IL31RA: variants seen among roughly 807,000 people sequenced by gnomAD.
IL31RA encodes the protein interleukin-31 receptor subunit alpha.
In IL31RA, 66 loss-of-function variants were observed where a neutral mutation model predicts 83.7. The ratio of observed to expected loss-of-function variants is 0.79; its 90% CI spans 0.65 to 0.97. IL31RA has a LOEUF of 0.97. Among genes scored for constraint, IL31RA ranks in the 50% least tolerant of loss-of-function variants. The pLI, the probability that IL31RA is intolerant of heterozygous loss-of-function variation, is 0.00. For synonymous variants in IL31RA, 325 were observed against 329.0 expected, an observed-to-expected ratio of 0.99 and a Z score of 0.13; for missense variants, 798 against 919.4, an observed-to-expected ratio of 0.87 and a Z score of 1.71.
chr5:55,867,091 G>T (rs1168342290), intron 2 of IL31RA, among the ~76,000 whole-genome samples: 1 of 81,260 alleles, frequency 1.2e-5, no homozygotes, highest in Non-Finnish European at 3.1e-5. Context: ...GTGTTTGTGT[G>T]TGTGTGTTTG....
chr5:55,874,786 G>A (rs1261602285), intron 4 of IL31RA, among the ~76,000 whole-genome samples: 1 of 152,024 alleles, frequency 6.6e-6, no homozygotes, highest in Non-Finnish European at 1.5e-5. Context: ...GGATTCCTTA[G>A]GATTGTCTGT....
chr5:55,914,973 T>A, intron 14 of IL31RA, 45 bp downstream of exon 14: 1 of 1,414,956 alleles, frequency 7.1e-7, no homozygotes, highest in South Asian at 1.1e-5. Flanking sequence ...CCGTGGGAGG[T>A]AGACGAGGTG....
In IL31RA at chr5:55,877,706, T is replaced by C. The variant is rs139901460; in HGVS notation, c.454+5255T>C. ...GCTCTAAGGTTTTTGCTGATCTTAG[T>C]TGAAGATCCATTGTATGTGATGAGT... On this transcript the variant is annotated intron_variant, in intron 4 of 14. Coordinates refer to ENST00000652347, the MANE Select transcript of IL31RA (RefSeq NM_139017.7). Among the ~76,000 whole-genome samples the C allele has an allele frequency of 5.3e-5, 8 of 152,328 alleles. No homozygotes were observed. The East Asian group carries it at 1.5e-3, about 29-fold the overall frequency.
chr5:55,870,914 A>G (rs998769149), intron 3 of IL31RA, among the ~76,000 whole-genome samples: 1 of 152,242 alleles, frequency 6.6e-6, no homozygotes, highest in African/African-American at 2.4e-5. Flanking sequence ...GGAGGTCTAG[A>G]GGTGTGGAAA....
upstream of IL31RA, chr5:55,851,244 A>G (rs866719536): frequency 1.2e-5 from 5 of 410,742 alleles, no homozygotes; most frequent in South Asian, 1.0e-4. Flanking sequence ...GTTTAAAGAC[A>G]CCTTATTTAA....
chr5:55,905,060 G>A (rs1168985459), intron 8 of IL31RA, among the ~76,000 whole-genome samples: 1 of 151,552 alleles, frequency 6.6e-6, no homozygotes, highest in East Asian at 1.9e-4. Context: ...AATTAGCCAG[G>A]TGTGTTAGCA....
intron 2 of IL31RA, among the ~76,000 whole-genome samples, chr5:55,861,053 A>G (rs1210560584): frequency 6.6e-6 from 1 of 152,040 alleles, no homozygotes; most frequent in Non-Finnish European, 1.5e-5. Flanking sequence ...TAACTTAATT[A>G]CCTCTTCAAG....
chr5:55,861,791 A>T (rs1745704495), intron 2 of IL31RA, among the ~76,000 whole-genome samples: 1 of 152,166 alleles, frequency 6.6e-6, no homozygotes, highest in Non-Finnish European at 1.5e-5. Flanking sequence ...CCTATGTTGT[A>T]CATATACCAG....
chr5:55,867,823 C>T (rs2112359157), intron 2 of IL31RA, among the ~76,000 whole-genome samples: 1 of 152,126 alleles, frequency 6.6e-6, no homozygotes, highest in Admixed American at 6.5e-5. Flanking sequence ...CTGATAAACC[C>T]GTCAGATCTC....
chr5:55,875,579 A>G (rs139161120), intron 4 of IL31RA, among the ~76,000 whole-genome samples: 25 of 152,208 alleles, frequency 1.6e-4, no homozygotes, highest in Non-Finnish European at 3.1e-4. Flanking sequence ...CACTGTAAAC[A>G]TTGGTGTTAA....
chr5:55,893,812 T>TTC (rs1748162639), intron 6 of IL31RA, among the ~76,000 whole-genome samples: 1 of 143,048 alleles, frequency 7.0e-6, no homozygotes, highest in Non-Finnish European at 1.5e-5. Context: ...TGAGATAATT[T>TTC]TTTTTTTTTT....
intron 2 of IL31RA, among the ~76,000 whole-genome samples, chr5:55,860,197 C>T (rs113857426): frequency 0.08 from 12,174 of 151,928 alleles, 848 homozygotes; most frequent in African/African-American, 0.19. Flanking sequence ...GGTAAAACCC[C>T]GTCTCTACTA....
chr5:55,864,340 TAC>T (rs34526562), intron 2 of IL31RA, among the ~76,000 whole-genome samples: 28 of 63,720 alleles, frequency 4.4e-4, no homozygotes, highest in South Asian at 2.9e-3. Flanking sequence ...CACACCACAC[TAC>T]ACACACACAC....
chr5:55,845,273 A>G, the IL31RA span, among the ~76,000 whole-genome samples: 1 of 152,226 alleles, frequency 6.6e-6, no homozygotes, highest in Non-Finnish European at 1.5e-5. Context: ...AGTGTTTGAC[A>G]GCCCTATGAT....
At chr5:55,914,585 T>C (rs1207594003) in intron 13 of IL31RA, among the ~76,000 whole-genome samples, 1 of 152,204 alleles carries the variant, frequency 6.6e-6, no homozygotes, top group Non-Finnish European at 1.5e-5. Context: ...GGTATGGAGA[T>C]GCTGGGATGG....
chr5:55,869,009 C>A, intron 3 of IL31RA, 101 bp downstream of exon 3: 1 of 782,210 alleles, frequency 1.3e-6, no homozygotes, highest in Admixed American at 1.7e-5. Flanking sequence ...AAAGTTTCCT[C>A]AATGACAGCT....
chr5:55,888,209 C>T (rs769983190), intron 5 of IL31RA, among the ~76,000 whole-genome samples: 1 of 152,152 alleles, frequency 6.6e-6, no homozygotes, highest in South Asian at 2.1e-4. Flanking sequence ...TAGTAGGGTT[C>T]CATTGCCTGT....
chr5:55,862,494 T>C (rs556991537), intron 2 of IL31RA, among the ~76,000 whole-genome samples: 2 of 152,332 alleles, frequency 1.3e-5, no homozygotes, highest in South Asian at 4.1e-4. Context: ...CTGCAACCTC[T>C]GCCTCCTGGG....
intron 4 of IL31RA, among the ~76,000 whole-genome samples, chr5:55,882,799 C>T (rs547675314): frequency 6.6e-6 from 1 of 151,964 alleles, no homozygotes; most frequent in South Asian, 2.1e-4. Flanking sequence ...AGCATATGAC[C>T]AATCAATAAG....
Sources: allele counts gnomAD v4.1 joint callset (sites outside exome capture counted in the v4.1 genomes callset), GRCh38; gene constraint gnomAD v4.1.1; transcripts MANE v1.5; gene names NCBI Gene and HGNC (gene_info 2026-07-23, HGNC 2026-07-21).